The following UHRF2 variants were observed in gnomAD, a reference collection of about 807,000 sequenced individuals.
UHRF2 encodes the protein ubiquitin like with PHD and ring finger domains 2, also known as E3 ubiquitin-protein ligase UHRF2.
Under a neutral mutation model 96.8 loss-of-function variants are expected in UHRF2, and 23 were observed. That is an observed-to-expected ratio of 0.24 (90% confidence interval 0.17 to 0.34). The LOEUF (loss-of-function observed/expected upper bound fraction) is 0.34, where lower values mean the gene tolerates loss of function less well. Among genes scored for constraint, UHRF2 ranks in the 10% least tolerant of loss-of-function variants. The probability of loss-of-function intolerance (pLI) is 1.00; values close to 1 mark genes in which losing one functional copy is unlikely to be tolerated. For missense variants in UHRF2, 685 were observed against 981.5 expected (o/e 0.70, Z 4.04); for synonymous variants, 385 against 332.6 (o/e 1.16, Z -1.72).
At chr9:6,475,157 C>G (rs1436197961) in intron 4 of UHRF2, among the ~76,000 whole-genome samples, 1 of 151,986 alleles carries the variant, frequency 6.6e-6, no homozygotes, top group Non-Finnish European at 1.5e-5. Flanking sequence ...TACTTCTTAC[C>G]AGATTATCTA....
intron 3 of UHRF2, among the ~76,000 whole-genome samples, chr9:6,434,974 G>C (rs532311143): frequency 5.9e-4 from 87 of 148,664 alleles, no homozygotes; most frequent in Non-Finnish European, 1.0e-3. Context: ...GAGAATATAG[G>C]CATATGTATT....
At chr9:6,493,708 G>A (rs1243465297) in intron 9 of UHRF2, 118 bp from the exon 10 acceptor site, 1 of 813,812 alleles carries the variant, frequency 1.2e-6, no homozygotes, top group Non-Finnish European at 1.9e-6. Context: ...TTTGGGAGAT[G>A]CCTCAAGAGA....
At chr9:6,486,168 AT>A (rs1824279255) in intron 8 of UHRF2, among the ~76,000 whole-genome samples, 1 of 152,162 alleles carries the variant, frequency 6.6e-6, no homozygotes, top group Admixed American at 6.5e-5. Flanking sequence ...AAGCAGAATT[AT>A]TTTTAAAAGA....
intron 2 of UHRF2, among the ~76,000 whole-genome samples, chr9:6,426,870 T>G (rs1469199500): frequency 6.6e-6 from 1 of 152,178 alleles, no homozygotes; most frequent in African/African-American, 2.4e-5. Flanking sequence ...TGCTTCAGTC[T>G]CTTGAGTAGT....
chr9:6,475,871 T>C (rs1823536952), intron 5 of UHRF2, among the ~76,000 whole-genome samples: 1 of 152,218 alleles, frequency 6.6e-6, no homozygotes, highest in Non-Finnish European at 1.5e-5. Context: ...TCTATCATTT[T>C]TTGTGTGTGT....
chr9:6,499,995 G>A (rs977729604), intron 13 of UHRF2, 64 bp downstream of exon 13: 22 of 1,272,312 alleles, frequency 1.7e-5, no homozygotes, highest in East Asian at 2.7e-5. Flanking sequence ...TTGTTGAGAC[G>A]GGGTCTCACT....
intron 4 of UHRF2, among the ~76,000 whole-genome samples, chr9:6,467,008 G>A (rs1822900955): frequency 6.6e-6 from 1 of 152,072 alleles, no homozygotes; most frequent in Non-Finnish European, 1.5e-5. Flanking sequence ...CACCCCATTT[G>A]TATTTAGTTT....
chr9:6,427,456 G>A (rs1186236557), intron 2 of UHRF2, among the ~76,000 whole-genome samples: 2 of 152,114 alleles, frequency 1.3e-5, no homozygotes, highest in Admixed American at 1.3e-4. Flanking sequence ...GGAGGTCGAG[G>A]CAGGCAGAGC....
At chr9:6,462,050 A>G (rs1349859157) in intron 4 of UHRF2, among the ~76,000 whole-genome samples, 2 of 152,112 alleles carry the variant, frequency 1.3e-5, no homozygotes, top group African/African-American at 4.8e-5. Flanking sequence ...TCAAGTTCTG[A>G]TTAACTGGAT....
chr9:6,460,078 A>G (rs1822438106), intron 3 of UHRF2, among the ~76,000 whole-genome samples: 1 of 152,258 alleles, frequency 6.6e-6, no homozygotes, highest in African/African-American at 2.4e-5. Flanking sequence ...ACGTCTTAAT[A>G]AGACTTTAAC....
chr9:6,414,285 A>G (rs1336116454), intron 1 of UHRF2: 2 of 152,242 alleles, frequency 1.3e-5, no homozygotes, highest in African/African-American at 4.8e-5. Flanking sequence ...GGGCATGAAG[A>G]AACTGTCGGT....
chr9:6,466,010 TA>T (rs2130862144), intron 4 of UHRF2, among the ~76,000 whole-genome samples: 2 of 152,356 alleles, frequency 1.3e-5, no homozygotes, highest in East Asian at 3.9e-4. Flanking sequence ...TACTGTAATA[TA>T]ATATTTACTA....
chr9:6,440,348 A>G (rs981902194), intron 3 of UHRF2, among the ~76,000 whole-genome samples: 14 of 152,348 alleles, frequency 9.2e-5, no homozygotes, highest in African/African-American at 3.4e-4. Context: ...TGTTAGCTAC[A>G]TTAAATCTCA....
At chr9:6,473,492 C>A (rs1823374789) in intron 4 of UHRF2, among the ~76,000 whole-genome samples, 1 of 152,058 alleles carries the variant, frequency 6.6e-6, no homozygotes, top group South Asian at 2.1e-4. Context: ...ATTTTCTAAT[C>A]CCCAAAGAAT....
At chr9:6,493,741 A>G in intron 9 of UHRF2, 85 bp from the exon 10 acceptor site, 1 of 1,177,284 alleles carries the variant, frequency 8.5e-7, no homozygotes, top group Admixed American at 2.4e-5. Context: ...ATAACATCCT[A>G]ATGAAATGTT....
At chr9:6,426,459 A>T (rs1305775800) in intron 2 of UHRF2, among the ~76,000 whole-genome samples, 2 of 152,340 alleles carry the variant, frequency 1.3e-5, no homozygotes, top group South Asian at 4.1e-4. Context: ...CTGTTCATAC[A>T]ATAATAAATT....
At chr9:6,485,484 G>C (rs994687881) in intron 8 of UHRF2, among the ~76,000 whole-genome samples, 1 of 151,888 alleles carries the variant, frequency 6.6e-6, no homozygotes, top group Non-Finnish European at 1.5e-5. Context: ...ATTTTGGCCA[G>C]GGTTGATGAG....
At chr9:6,440,624 G>C (rs1013153927) in intron 3 of UHRF2, among the ~76,000 whole-genome samples, 1 of 152,170 alleles carries the variant, frequency 6.6e-6, no homozygotes, top group African/African-American at 2.4e-5. Context: ...CTTCTATTGA[G>C]CTAAACCGTA....
At chr9:6,491,498 C>G (rs1053179865) in intron 9 of UHRF2, among the ~76,000 whole-genome samples, 1 of 152,176 alleles carries the variant, frequency 6.6e-6, no homozygotes, top group Non-Finnish European at 1.5e-5. Flanking sequence ...AGGCTATGGT[C>G]TAGACAACCT....
Sources: gnomAD v4.1 joint callset for allele counts (sites outside exome capture counted in the v4.1 genomes callset) on GRCh38, gnomAD v4.1.1 for gene constraint, MANE v1.5 for transcripts, NCBI Gene and HGNC (gene_info 2026-07-23, HGNC 2026-07-21) for gene names.